MROH2A: variants seen among roughly 807,000 people sequenced by gnomAD.
MROH2A encodes the protein maestro heat-like repeat-containing protein family member 2A.
MROH2A carries 174 observed loss-of-function variants against 200.4 expected under a neutral mutation model. That is an observed-to-expected ratio of 0.87 (90% CI 0.77 to 0.98). The LOEUF is 0.98. Among genes scored for constraint, MROH2A ranks in the 50% least tolerant of loss-of-function variants. The pLI is 0.00. For synonymous variants in MROH2A, 829 were observed against 840.4 expected, an observed-to-expected ratio of 0.99 and a Z score of 0.23; for missense variants, 2,045 against 2,139.6, an observed-to-expected ratio of 0.96 and a Z score of 0.87.
At chr2:233,789,688 G>T (rs1249507469) in intron 4 of MROH2A, 60 bp downstream of exon 4, 4 of 1,437,816 alleles carry the variant, frequency 2.8e-6, no homozygotes, top group Non-Finnish European at 3.7e-6. Context: ...GGGCCACGGG[G>T]GGCCTGGCCC....
intron 3 of MROH2A, among the ~76,000 whole-genome samples, chr2:233,786,839 T>G (rs2126088307): frequency 6.6e-6 from 1 of 152,328 alleles, no homozygotes; most frequent in East Asian, 1.9e-4. Flanking sequence ...TATTTTCTCC[T>G]TAACTAGTTA....
chr2:233,828,832 G>C lies in MROH2A; in HGVS notation c.4263+53G>C, dbSNP rs1321600085. 6.5e-7 allele frequency: 1 copy of C among 1,549,452 alleles called. No homozygotes were observed. The highest frequency in any genetic ancestry group is 8.7e-7 in the Non-Finnish European group (1 of 1,146,294). ...CCCGGGAGCTGAGGGTGCAGGCCGG[G>C]TGCCCTGGTCAGCCTGGGAGGGAGG... On this transcript the variant is annotated intron_variant, in intron 36 of 41. Coordinates refer to ENST00000389758, the MANE Select transcript of MROH2A (RefSeq NM_001394639.1). The surrounding 1 kb of genome is among the most constrained non-coding windows in gnomAD (Gnocchi z 4.6).
intron 8 of MROH2A, among the ~76,000 whole-genome samples, 157 bp downstream of exon 8, chr2:233,794,663 G>A (rs564787320): frequency 2.0e-5 from 3 of 152,290 alleles, no homozygotes; most frequent in Admixed American, 2.0e-4. Context: ...GGGGCGTGGA[G>A]CCTGGCACCC....
intron 18 of MROH2A, 46 bp from the exon 19 acceptor site, chr2:233,804,958 G>A: frequency 8.5e-7 from 1 of 1,171,408 alleles, no homozygotes; most frequent in Non-Finnish European, 1.2e-6. Flanking sequence ...CAAGAACAAG[G>A]ATGAAGGCCT....
rs946488264 is a variant in MROH2A at position 233,828,038 on chromosome 2, A to G, written c.4114-592A>G. ...AGGTGGACTGAGGTGGAGACAAAAC[A>G]TTTGGAAGCTTAGAGCAACTGCGCC... On this transcript the variant is annotated intron_variant, in intron 35 of 41. Coordinates refer to ENST00000389758, the MANE Select transcript of MROH2A (RefSeq NM_001394639.1). This position sits in a 1 kb window ranked among gnomAD's most constrained non-coding sequence, Gnocchi z 4.6. Among the ~76,000 whole-genome samples the G allele has an allele frequency of 7.9e-5, 12 of 152,182 alleles. No homozygotes were observed. The highest frequency in any genetic ancestry group is 2.7e-4 in the African/African-American group (11 of 41,426).
chr2:233,793,729 G>A lies in MROH2A; in HGVS notation c.727G>A (p.Val243Met), dbSNP rs764869388. ...QFYLKHLEES[V>M]YPVMTEEEFA... Reference sequence around the variant, plus strand: ...TTATCTGAAGCACCTGGAGGAGAGCGTGTACCCCGTGATGACTGAGGAGGA... The same window carrying A: ...TTATCTGAAGCACCTGGAGGAGAGCATGTACCCCGTGATGACTGAGGAGGA... The change falls in exon 7 of 42, where the codon GTG (valine) becomes ATG (methionine). Residue 243 changes from valine (V) to methionine (M), a missense_variant. Around this residue, in one of 3 missense-constraint regions of MROH2A, gnomAD observed 831 missense variants for 800.0 expected, o/e 1.04. Transcript: ENST00000389758. The A allele has an allele frequency of 3.3e-5, 49 of 1,492,528 alleles. No homozygotes were observed. Among genetic ancestry groups the A allele is most frequent in the South Asian group, 1.1e-4 (8 of 74,446 alleles). 92.5% of individuals were successfully genotyped at this position (1,492,528 alleles called of 1,614,324 possible). A position where few individuals can be genotyped will look rare whatever the true frequency, so the allele number is the denominator to read the frequency against.
At position 233,807,622 on chromosome 2, in the gene MROH2A, C is replaced by T. The variant is rs572166268; in HGVS notation, c.2172+80C>T. Reference sequence around the variant, plus strand: ...ACATGTGTGTTCATGTGGCTGCATGCGTTTTGTGTGTGTGTGTGTACATGT... The same window carrying T: ...ACATGTGTGTTCATGTGGCTGCATGTGTTTTGTGTGTGTGTGTGTACATGT... On this transcript the variant is annotated intron_variant, in intron 20 of 41. Coordinates refer to ENST00000389758, the MANE Select transcript of MROH2A (RefSeq NM_001394639.1). The surrounding 1 kb of genome is among the most constrained non-coding windows in gnomAD (Gnocchi z 4.3). 1.2e-5 allele frequency: 18 copies of T among 1,539,786 alleles called. No homozygotes were observed. In the South Asian group the frequency reaches 1.2e-4, roughly 10 times the overall value.
At chr2:233,817,978 G>A (rs901557852) in intron 27 of MROH2A, 24 bp from the exon 28 acceptor site, 1 of 1,550,542 alleles carries the variant, frequency 6.4e-7, no homozygotes, top group Non-Finnish European at 8.7e-7. Flanking sequence ...AGAGGTGTGA[G>A]CCCCACGGTC....
Position 233,811,925 on chromosome 2 carries a change from C to A in MROH2A, c.2617C>A (p.Arg873=), listed in dbSNP as rs368947612. 1.7e-5 allele frequency: 27 copies of A among 1,550,102 alleles called. No homozygotes were observed. In the East Asian group the frequency reaches 6.4e-4, roughly 36 times the overall value. ...EPTDNLVSPV[R]ALAMEALSHL... is the part of the protein sequence containing the mutation. Reference sequence around the variant, plus strand: ...GACTGACAACCTGGTTTCTCCAGTGCGAGCCTTGGCGATGGAGGCCCTCTC... The same window carrying A: ...GACTGACAACCTGGTTTCTCCAGTGAGAGCCTTGGCGATGGAGGCCCTCTC... The change falls in exon 24 of 42, where the codon CGA becomes AGA. Residue 873 remains arginine (R), a synonymous_variant. Coordinates refer to ENST00000389758, the MANE Select transcript of MROH2A (RefSeq NM_001394639.1).
Position 233,787,810 on chromosome 2 carries a change from ATTATATAT to A in MROH2A, c.277-1686_277-1679del, listed in dbSNP as rs1287826021. ...ATCATATATAATATATATTATATAT[ATTATATAT>A]AATATATATTATATATACATATATA... is the stretch of plus-strand genomic sequence containing the variant. On this transcript the variant is annotated intron_variant, in intron 3 of 41. Coordinates refer to ENST00000389758, the MANE Select transcript of MROH2A (RefSeq NM_001394639.1). Among the ~76,000 whole-genome samples, 6 of 8,726 alleles carry A rather than the reference ATTATATAT, an allele frequency of 6.9e-4. 3 individuals carry two copies. The highest frequency in any genetic ancestry group is 3.1e-3 in the African/African-American group (4 of 1,272). The allele number at this position is 8,726 out of a possible 152,430, so 5.7% of individuals were successfully genotyped here. A position where few individuals can be genotyped will look rare whatever the true frequency, so the allele number is the denominator to read the frequency against.
intron 19 of MROH2A, 73 bp downstream of exon 19, chr2:233,805,184 AC>A (rs1702716027): frequency 1.0e-6 from 1 of 1,003,944 alleles, no homozygotes; most frequent in African/African-American, 1.6e-5. Flanking sequence ...AGAGGATAAC[AC>A]CGTGTGTGTG....
At chr2:233,816,667 AG>A in intron 26 of MROH2A, 113 bp from the exon 27 acceptor site, 1 of 639,614 alleles carries the variant, frequency 1.6e-6, no homozygotes, top group East Asian at 2.8e-5. Context: ...TAGAACCACA[AG>A]GAAGCATTGA....
intron 19 of MROH2A, among the ~76,000 whole-genome samples, chr2:233,805,723 T>C (rs1702750248): frequency 6.6e-6 from 1 of 152,106 alleles, no homozygotes; most frequent in Non-Finnish European, 1.5e-5. Context: ...GGCATAAGGA[T>C]AGATTGATAA....
rs906692640 is a variant in MROH2A, at chr2:233,794,491, G to A, written c.951G>A (p.Val317=). The change falls in exon 8 of 42, where the codon GTG becomes GTA. Residue 317 remains valine, a synonymous_variant. Transcript: ENST00000389758. ...CGGAGTACCAGGGCAGTCTGGAGGT[G>A]CTCTTCGTCACGCAGGCGAGTGGCC... ...LLAEYQGSLE[V]LFVTQVLRQI... 11 of 1,530,992 alleles carry A rather than the reference G, an allele frequency of 7.2e-6. No individual in the cohort carries two copies. Among genetic ancestry groups the A allele is most frequent in the African/African-American group, 5.5e-5 (4 of 72,636 alleles). 94.8% of individuals were successfully genotyped at this position (1,530,992 alleles called of 1,614,324 possible).
chr2:233,779,565 A>G (rs1173090812), intron 2 of MROH2A, 106 bp from the exon 3 acceptor site: 5 of 1,406,644 alleles, frequency 3.6e-6, no homozygotes, highest in Non-Finnish European at 4.9e-6. Flanking sequence ...ACATCATACC[A>G]CACATGAAGC....
chr2:233,806,090 A>T (rs1343698622), intron 19 of MROH2A, among the ~76,000 whole-genome samples: 1 of 152,204 alleles, frequency 6.6e-6, no homozygotes, highest in East Asian at 1.9e-4. Context: ...CTCTTGTGCT[A>T]AAAATAATAC....
chr2:233,815,512 G>A (rs575678858), intron 26 of MROH2A, among the ~76,000 whole-genome samples: 1 of 152,080 alleles, frequency 6.6e-6, no homozygotes, highest in Non-Finnish European at 1.5e-5. Flanking sequence ...CAGAAGTTTT[G>A]TATTTTCAGA....
rs1703889679 is a variant in MROH2A, at chr2:233,820,872, A to G, written c.3512+816A>G. 6.6e-6 allele frequency among the ~76,000 whole-genome samples: 1 copy of G among 152,196 alleles called. No individual in the cohort carries two copies. Among genetic ancestry groups the G allele is most frequent in the Non-Finnish European group, 1.5e-5 (1 of 68,028 alleles). Reference sequence around the variant, plus strand: ...TGACTCCCCTGTGGAGCTGCTTCTCATAAGGGCAGCCCTGCCGTGGGTCCA... The same window carrying G: ...TGACTCCCCTGTGGAGCTGCTTCTCGTAAGGGCAGCCCTGCCGTGGGTCCA... On this transcript the variant is annotated intron_variant, in intron 31 of 41. Transcript: ENST00000389758. This position sits in a 1 kb window ranked among gnomAD's most constrained non-coding sequence, Gnocchi z 4.1.
intron 21 of MROH2A, 95 bp from the exon 22 acceptor site, chr2:233,809,031 C>A (rs375743106): frequency 5.7e-6 from 8 of 1,398,618 alleles, no homozygotes; most frequent in East Asian, 2.5e-5. Flanking sequence ...CCAGCTGACT[C>A]AATGGATCCT....
Sources: gnomAD v4.1 joint callset for allele counts (sites outside exome capture counted in the v4.1 genomes callset) on GRCh38, gnomAD v4.1.1 for gene constraint, gnomAD v4.1.1 regional missense constraint, Gnocchi (gnomAD v3.1) non-coding constraint, MANE v1.5 for transcripts, NCBI Gene and HGNC (gene_info 2026-07-23, HGNC 2026-07-21) for gene names.